The following GOLGB1 variants were observed in gnomAD, a reference collection of about 807,000 sequenced individuals.
The protein encoded by GOLGB1 is golgin B1, also known as golgin subfamily B member 1.
Under a neutral mutation model 336.9 loss-of-function variants are expected in GOLGB1, and 174 were observed. The observed-to-expected ratio is 0.52, with a 90% CI of 0.46 to 0.59. The LOEUF (loss-of-function observed/expected upper bound fraction) is 0.59, where lower values mean the gene tolerates loss of function less well. Among genes scored for constraint, GOLGB1 ranks in the 20% least tolerant of loss-of-function variants. The pLI, the probability that GOLGB1 is intolerant of heterozygous loss-of-function variation, is 0.00. For missense variants in GOLGB1, 3,331 were observed against 3,645.3 expected, an observed-to-expected ratio of 0.91 and a Z score of 2.22; for synonymous variants, 1,208 against 1,289.2, an observed-to-expected ratio of 0.94 and a Z score of 1.35.
rs1938329753 is a variant in GOLGB1, at chr3:121,664,601, A to T, written c.9674T>A (p.Val3225Asp). The change falls in exon 22 of 22, where the codon GTT becomes GAT. Residue 3225 changes from valine to aspartate, a missense_variant. By Grantham distance (152) the Val-to-Asp change is radical. Coordinates refer to ENST00000614479, the MANE Select transcript of GOLGB1 (RefSeq NM_001366282.2). ...TGAACGCAGGACTCGCTTCCATCCA[A>T]CGCCACTCCGGGTCTGAAAGAAAAA... Reference protein sequence around the residue: ...SNSCRRTRSGVGWKRVLRSLC... With the variant: ...SNSCRRTRSGDGWKRVLRSLC... 1.2e-6 allele frequency: 2 copies of T among 1,613,876 alleles called. No homozygotes were observed. Among genetic ancestry groups the T allele is most frequent in the Non-Finnish European group, 1.7e-6 (2 of 1,179,882 alleles).
In GOLGB1 at chr3:121,696,777, A is replaced by G; in HGVS notation, c.3746T>C (p.Ile1249Thr). 6.2e-7 allele frequency: 1 copy of G among 1,614,084 alleles called. No individual in the cohort carries two copies. Among genetic ancestry groups the G allele is most frequent in the Non-Finnish European group, 8.5e-7 (1 of 1,179,970 alleles). ...RQLQIQVRES[I>T]DGKLPSTDQQ... is the part of the protein sequence containing the mutation. ...GTCTGTGCTTGGGAGTTTTCCGTCT[A>G]TGGATTCCCTTACTTGAATCTGGAG... The change falls in exon 13 of 22, where the codon ATA (isoleucine) becomes ACA (threonine). Residue 1249 changes from isoleucine to threonine, a missense_variant. Coordinates refer to ENST00000614479, the MANE Select transcript of GOLGB1 (RefSeq NM_001366282.2).
chr3:121,678,797 C>T (rs1189067088), intron 15 of GOLGB1, among the ~76,000 whole-genome samples: 2 of 152,124 alleles, frequency 1.3e-5, no homozygotes, highest in East Asian at 3.8e-4. Context: ...CATGATCTAC[C>T]TGCCTTGGCC....
chr3:121,742,414 A>C (rs1946933793), intron 1 of GOLGB1, among the ~76,000 whole-genome samples: 1 of 152,258 alleles, frequency 6.6e-6, no homozygotes, highest in South Asian at 2.1e-4. Context: ...GGCTAGCCAT[A>C]CGTAGAAAGG....
intron 14 of GOLGB1, among the ~76,000 whole-genome samples, chr3:121,688,249 T>G (rs559369971): frequency 6.8e-4 from 103 of 152,344 alleles, no homozygotes; most frequent in African/African-American, 2.4e-3. Flanking sequence ...AAAGCTGGAC[T>G]GTACTGCTGC....
chr3:121,714,993 A>G lies in GOLGB1; in HGVS notation c.1289-17T>C, dbSNP rs1944643552. 1 of 1,303,528 alleles carries G rather than the reference A, an allele frequency of 7.7e-7. No homozygotes were observed. Among genetic ancestry groups the G allele is most frequent in the Non-Finnish European group, 1.1e-6 (1 of 898,456 alleles). 80.7% of individuals were successfully genotyped at this position (1,303,528 alleles called of 1,614,324 possible). A position where few individuals can be genotyped will look rare whatever the true frequency, so the allele number is the denominator to read the frequency against. ...GGAGCTGATCTAAGGAAAAGAAAAA[A>G]AATAAATGTAATATTTGCTTCAAGT... On this transcript the variant is annotated splice_polypyrimidine_tract_variant and intron_variant, in intron 9 of 21. Coordinates refer to ENST00000614479, the MANE Select transcript of GOLGB1 (RefSeq NM_001366282.2).
intron 17 of GOLGB1, among the ~76,000 whole-genome samples, chr3:121,676,436 G>A (rs1940388040): frequency 6.6e-6 from 1 of 152,184 alleles, no homozygotes; most frequent in South Asian, 2.1e-4. Flanking sequence ...CTGGACTTCT[G>A]ATTCTGATTG....
chr3:121,689,318 C>T (rs1474530123), intron 14 of GOLGB1, among the ~76,000 whole-genome samples: 3 of 152,202 alleles, frequency 2.0e-5, no homozygotes, highest in Non-Finnish European at 4.4e-5. Flanking sequence ...AAAAAATCTT[C>T]GGCCTTGGGA....
chr3:121,722,185 T>G, intron 6 of GOLGB1, 77 bp downstream of exon 6: 1 of 784,492 alleles, frequency 1.3e-6, no homozygotes, highest in Non-Finnish European at 2.2e-6. Flanking sequence ...TTTTTTAAAG[T>G]GACTCACTGA....
intron 1 of GOLGB1, among the ~76,000 whole-genome samples, chr3:121,747,528 A>G (rs1202479927): frequency 6.6e-6 from 1 of 150,906 alleles, no homozygotes; most frequent in Non-Finnish European, 1.5e-5. Context: ...GCTAAATACT[A>G]TTTTTATATT....
chr3:121,713,672 A>G (rs1280403683), intron 10 of GOLGB1, among the ~76,000 whole-genome samples: 2 of 152,170 alleles, frequency 1.3e-5, no homozygotes, highest in African/African-American at 4.8e-5. Flanking sequence ...TGGTAATGTG[A>G]TATATCTTGA....
intron 1 of GOLGB1, among the ~76,000 whole-genome samples, chr3:121,733,182 G>A (rs1433206516): frequency 6.6e-6 from 1 of 151,464 alleles, no homozygotes; most frequent in East Asian, 1.9e-4. Context: ...AATTAGCCGG[G>A]TGTGGTTGTG....
rs932509852 is a variant in GOLGB1, at chr3:121,664,334, C to T, written c.*146G>A. 1.4e-6 allele frequency: 1 copy of T among 732,342 alleles called. No homozygotes were observed. Among genetic ancestry groups the T allele is most frequent in the Non-Finnish European group, 2.4e-6 (1 of 418,948 alleles). The allele number at this position is 732,342 out of a possible 1,614,324, so 45.4% of individuals were successfully genotyped here. A position where few individuals can be genotyped will look rare whatever the true frequency, so the allele number is the denominator to read the frequency against. On this transcript the variant is annotated 3_prime_UTR_variant, in exon 22 of 22. Coordinates refer to ENST00000614479, the MANE Select transcript of GOLGB1 (RefSeq NM_001366282.2). ...CAGCTCCAACCTGTCCTCGTATCCA[C>T]CTCTGTTTTTGCAGGCACTTTCCGT...
At position 121,694,308 on chromosome 3, in the gene GOLGB1, A is replaced by G. The variant is rs1282037292; in HGVS notation, c.6215T>C (p.Val2072Ala). The G allele has an allele frequency of 1.9e-6, 3 of 1,610,766 alleles. No homozygotes were observed. Among genetic ancestry groups the G allele is most frequent in the East Asian group, 2.2e-5 (1 of 44,882 alleles). The part of the protein sequence containing the change: ...EITKENLAQA[V>A]EHRKKAQAEL... ...TGCTTGTGCCTTTTTGCGGTGTTCA[A>G]CTGCTTGAGCCAGATTTTCTTTGGT... is the stretch of plus-strand genomic sequence containing the variant. Residue 2072 changes from valine (V) to alanine (A), a missense_variant, in exon 13 of 22, where the codon GTT becomes GCT. Coordinates refer to ENST00000614479, the MANE Select transcript of GOLGB1 (RefSeq NM_001366282.2).
rs114634568 is a variant in GOLGB1, at chr3:121,720,937, T to C, written c.649-1169A>G. The stretch of plus-strand genomic sequence containing the variant: ...GCCTTCCAAAATATTTTGTTTGTAT[T>C]GCTGCTTGCTTTGGCACTTATTCGG... On this transcript the variant is annotated intron_variant, in intron 6 of 21. Coordinates refer to ENST00000614479, the MANE Select transcript of GOLGB1 (RefSeq NM_001366282.2). 9.0e-4 allele frequency among the ~76,000 whole-genome samples: 137 copies of C among 152,334 alleles called. 1 individual carries two copies. Among genetic ancestry groups the C allele is most frequent in the African/African-American group, 3.2e-3 (131 of 41,584 alleles).
At chr3:121,711,355 A>C (rs986668470) in intron 10 of GOLGB1, among the ~76,000 whole-genome samples, 5 of 152,100 alleles carry the variant, frequency 3.3e-5, no homozygotes, top group African/African-American at 1.2e-4. Context: ...AACTAAGAGA[A>C]AAATTCCTCT....
chr3:121,696,165 T>C lies in GOLGB1; in HGVS notation c.4358A>G (p.Lys1453Arg). 6.2e-7 allele frequency: 1 copy of C among 1,614,144 alleles called. No homozygotes were observed. Among genetic ancestry groups the C allele is most frequent in the Non-Finnish European group, 8.5e-7 (1 of 1,180,014 alleles). ...CTGCTTTATCCTCTCATCATGCTCT[T>C]TGGCTTGCATTTCTAGCTGTGTATG... The part of the protein sequence containing the change: ...ALHTQLEMQA[K>R]EHDERIKQLQ... The change falls in exon 13 of 22, where the codon AAA becomes AGA. Residue 1453 changes from lysine to arginine, a missense_variant. By Grantham distance (26) the Lys-to-Arg change is conservative (BLOSUM62 2). Transcript: ENST00000614479.
chr3:121,682,064 G>C (rs147065835), intron 14 of GOLGB1, among the ~76,000 whole-genome samples, 199 bp from the exon 15 acceptor site: 235 of 152,316 alleles, frequency 1.5e-3, no homozygotes, highest in African/African-American at 5.1e-3. Flanking sequence ...ATCACCCATG[G>C]AGCTGCCATC....
chr3:121,693,891 T>A lies in GOLGB1; in HGVS notation c.6632A>T (p.Asp2211Val), dbSNP rs766047019. ...SLQDDRDRVI[D>V]EAKKWERKFS... ...CTTCCTCTCCCATTTCTTAGCTTCATCTATCACCCTGTCACGATCATCCTG... is the reference window on the plus strand; with the variant it reads ...CTTCCTCTCCCATTTCTTAGCTTCAACTATCACCCTGTCACGATCATCCTG... The change falls in exon 13 of 22, where the codon GAT becomes GTT. Residue 2211 changes from aspartate to valine, a missense_variant. Asp to Val is a radical substitution (Grantham distance 152). Transcript: ENST00000614479. The A allele has an allele frequency of 3.1e-6, 5 of 1,614,106 alleles. No homozygotes were observed. Among genetic ancestry groups the A allele is most frequent in the Non-Finnish European group, 4.2e-6 (5 of 1,179,916 alleles).
chr3:121,680,889 A>G (rs1940995400), intron 15 of GOLGB1, among the ~76,000 whole-genome samples: 1 of 152,214 alleles, frequency 6.6e-6, no homozygotes, highest in Non-Finnish European at 1.5e-5. Flanking sequence ...TACACACATT[A>G]AAAAGATGTT....
Sources: allele counts gnomAD v4.1 joint callset (sites outside exome capture counted in the v4.1 genomes callset), GRCh38; gene constraint gnomAD v4.1.1; transcripts MANE v1.5; gene names NCBI Gene and HGNC (gene_info 2026-07-23, HGNC 2026-07-21).